ADGRB1: variants seen among roughly 807,000 people sequenced by gnomAD.
The protein encoded by ADGRB1 is brain-specific angiogenesis inhibitor 1.
A neutral mutation model predicts 175.7 loss-of-function variants in ADGRB1; 36 were observed. The observed-to-expected ratio is 0.20, with a 90% CI of 0.16 to 0.27. The LOEUF (loss-of-function observed/expected upper bound fraction) is 0.27. Among genes scored for constraint, ADGRB1 ranks in the 10% least tolerant of loss-of-function variants. The pLI, the probability that ADGRB1 is intolerant of heterozygous loss-of-function variation, is 1.00. For synonymous variants in ADGRB1, 1,054 were observed against 979.4 expected (o/e 1.08, Z -1.42); for missense variants, 1,731 against 2,255.3 (o/e 0.77, Z 4.71).
intron 1 of ADGRB1, among the ~76,000 whole-genome samples, chr8:142,457,739 CTA>C (rs1839758851): frequency 6.6e-6 from 1 of 152,162 alleles, no homozygotes; most frequent in South Asian, 2.1e-4. Context: ...CGGGGGGAGG[CTA>C]TCTCGGCACC....
chr8:142,526,503 G>GCCCCCCCCCCCCCCCCCCCCCCCCACC, intron 23 of ADGRB1, 39 bp from the exon 24 acceptor site: 1 of 1,259,276 alleles, frequency 7.9e-7, no homozygotes, highest in Non-Finnish European at 1.1e-6. Context: ...GCCTACGGCG[G>GCCCCCCCCCCCCCCCCCCCCCCCCACC]CCCCCACCCC....
At chr8:142,463,944 A>G (rs1840101503) in intron 1 of ADGRB1, 36 bp from the exon 2 acceptor site, 2 of 333,832 alleles carry the variant, frequency 6.0e-6, no homozygotes, top group East Asian at 4.7e-5. Flanking sequence ...CGTCTCCCCA[A>G]GTGCTCACTC....
chr8:142,521,425 G>A (rs1331971790), intron 20 of ADGRB1, among the ~76,000 whole-genome samples: 1 of 152,196 alleles, frequency 6.6e-6, no homozygotes, highest in East Asian at 1.9e-4. Context: ...CCCACTAAAT[G>A]TGGCAGGTGC....
chr8:142,469,724 C>T (rs1587273093), intron 2 of ADGRB1, among the ~76,000 whole-genome samples: 1 of 150,942 alleles, frequency 6.6e-6, no homozygotes, highest in African/African-American at 2.4e-5. Context: ...TGAGTGCATG[C>T]ACATGCATGT....
rs764382995 is a variant in ADGRB1, at chr8:142,484,015, G to A, written c.2169G>A (p.Glu723=). 1.2e-6 allele frequency: 2 copies of A among 1,613,206 alleles called. No individual in the cohort carries two copies. The highest frequency in any genetic ancestry group is 1.1e-5 in the South Asian group (1 of 90,918). ...VQILSNLLAE[E]NRDKWEEAQL... Reference sequence around the variant, plus strand: ...TCCTTAGCAACCTGTTGGCAGAGGAGAATCGGGACAAGTGGGAGGAGGCCC... The same window carrying A: ...TCCTTAGCAACCTGTTGGCAGAGGAAAATCGGGACAAGTGGGAGGAGGCCC... The change falls in exon 12 of 31, where the codon GAG becomes GAA. Residue 723 remains glutamate (E), a synonymous_variant. Transcript: ENST00000517894.
At chr8:142,466,346 C>G (rs1466898673) in intron 2 of ADGRB1, among the ~76,000 whole-genome samples, 1 of 152,214 alleles carries the variant, frequency 6.6e-6, no homozygotes, top group African/African-American at 2.4e-5. Flanking sequence ...ACAGAGGAAG[C>G]CATTTATGCT....
intron 1 of ADGRB1, among the ~76,000 whole-genome samples, chr8:142,450,749 G>A (rs1256943190): frequency 6.6e-6 from 1 of 152,170 alleles, no homozygotes; most frequent in East Asian, 1.9e-4. Flanking sequence ...TGGCAGTGGA[G>A]ACTCCCTGGA....
At chr8:142,519,780 G>A (rs1408699450) in intron 19 of ADGRB1, among the ~76,000 whole-genome samples, 1 of 151,016 alleles carries the variant, frequency 6.6e-6, no homozygotes, top group Non-Finnish European at 1.5e-5. Context: ...GGTAGTGATG[G>A]TGATGGTGGT....
At chr8:142,486,642 C>G (rs1841685643) in intron 13 of ADGRB1, among the ~76,000 whole-genome samples, 2 of 152,248 alleles carry the variant, frequency 1.3e-5, no homozygotes, top group Non-Finnish European at 2.9e-5. Flanking sequence ...TGTACTTGAA[C>G]AAGTCCCACT....
In ADGRB1 at chr8:142,522,556, C is replaced by T. The variant is rs369837288; in HGVS notation, c.3176-85C>T. 4.4e-5 allele frequency: 60 copies of T among 1,348,920 alleles called. 3 individuals are homozygous for T. In the Admixed American group the frequency reaches 6.9e-4, roughly 15 times the overall value. The allele number at this position is 1,348,920 out of a possible 1,614,324, so 83.6% of individuals were successfully genotyped here. Reference sequence around the variant, plus strand: ...GCTTCAGAAGCGCCTGCCTGGCCCCCGCCCTTCACGGCAGGGCTAGGAGGA... The same window carrying T: ...GCTTCAGAAGCGCCTGCCTGGCCCCTGCCCTTCACGGCAGGGCTAGGAGGA... On this transcript the variant is annotated intron_variant, in intron 21 of 30. Transcript: ENST00000517894.
chr8:142,515,269 G>A (rs1843351040), intron 18 of ADGRB1, among the ~76,000 whole-genome samples: 1 of 152,214 alleles, frequency 6.6e-6, no homozygotes, highest in African/African-American at 2.4e-5. Context: ...CTCCGGCAGG[G>A]GCCCGGCCTG....
intron 2 of ADGRB1, among the ~76,000 whole-genome samples, chr8:142,471,048 G>A (rs1840635416): frequency 6.6e-6 from 1 of 152,164 alleles, no homozygotes. Flanking sequence ...CATGGTGACA[G>A]GGAGCACCGA....
At chr8:142,468,392 C>G (rs551239032) in intron 2 of ADGRB1, among the ~76,000 whole-genome samples, 3 of 152,274 alleles carry the variant, frequency 2.0e-5, no homozygotes, top group African/African-American at 7.2e-5. Context: ...GGCATATTGA[C>G]TCGGCTGCTG....
At chr8:142,469,900 G>A (rs1840556184) in intron 2 of ADGRB1, among the ~76,000 whole-genome samples, 1 of 152,246 alleles carries the variant, frequency 6.6e-6, no homozygotes, top group Non-Finnish European at 1.5e-5. Context: ...CCTGCCAGCT[G>A]AGACCTGTGC....
rs779539150 is a variant in ADGRB1 at position 142,479,720 on chromosome 8, A to G, written c.1754A>G (p.Asn585Ser). ...CCCCATGAGATCTGTGATGAGGACA[A>G]CTTTGGTGCTGTGATCTGGAAGGAG... ...PEPHEICDEDNFGAVIWKETP... is the reference protein window; with the variant it reads ...PEPHEICDEDSFGAVIWKETP... The change falls in exon 9 of 31, where the codon AAC (asparagine) becomes AGC (serine). Residue 585 changes from asparagine to serine, a missense_variant. This residue lies in a region of ADGRB1 where 388 missense variants were observed against 630.9 expected (regional missense o/e 0.61). Transcript: ENST00000517894. 9.3e-6 allele frequency: 15 copies of G among 1,613,418 alleles called. No homozygotes were observed. In the African/African-American group the frequency reaches 1.6e-4, roughly 17 times the overall value.
intron 8 of ADGRB1, 75 bp downstream of exon 8, chr8:142,479,562 C>T: frequency 6.6e-7 from 1 of 1,515,332 alleles, no homozygotes. Flanking sequence ...TCAGCTGTCA[C>T]CCACGTGGTG....
chr8:142,520,448 G>T (rs1843751011), intron 19 of ADGRB1, among the ~76,000 whole-genome samples: 3 of 8,260 alleles, frequency 3.6e-4, no homozygotes, highest in Non-Finnish European at 7.3e-4. Context: ...TGGTGGTGAT[G>T]GTGATGGTGG....
chr8:142,478,992 G>A, intron 7 of ADGRB1: 1 of 300,664 alleles, frequency 3.3e-6, no homozygotes. Context: ...TGGCCGTGGA[G>A]TAGCGGGGTG....
intron 17 of ADGRB1, among the ~76,000 whole-genome samples, chr8:142,509,655 T>C (rs1461510908): frequency 6.6e-6 from 1 of 152,210 alleles, no homozygotes; most frequent in African/African-American, 2.4e-5. Flanking sequence ...GCATGGAGGC[T>C]CTAGGGCAGA....
Sources: allele counts gnomAD v4.1 joint callset (sites outside exome capture counted in the v4.1 genomes callset), GRCh38; gene constraint gnomAD v4.1.1; regional missense constraint gnomAD v4.1.1; transcripts MANE v1.5; gene names NCBI Gene and HGNC (gene_info 2026-07-23, HGNC 2026-07-21).